Variants in KIR3DL1 observed in about 807,000 individuals in gnomAD.
The protein encoded by KIR3DL1 is killer cell immunoglobulin like receptor, three Ig domains and long cytoplasmic tail 1.
Under a neutral mutation model 40.3 loss-of-function variants are expected in KIR3DL1, and 50 were observed. That is an observed-to-expected ratio of 1.24 (90% CI 0.99 to 1.57). The LOEUF (loss-of-function observed/expected upper bound fraction) is 1.57. Among genes scored for constraint, KIR3DL1 ranks in the 40% most tolerant of loss-of-function variants. The pLI is 0.00. For synonymous variants in KIR3DL1, 257 were observed against 207.2 expected (o/e 1.24, Z -2.07); for missense variants, 661 against 559.9 (o/e 1.18, Z -1.82).
chr19:54,821,123 T>TGATTGATGGATAGATAGACAGACAGAC (rs1249979079), intron 4 of KIR3DL1, among the ~76,000 whole-genome samples: 1 of 149,912 alleles, frequency 6.7e-6, no homozygotes, highest in Non-Finnish European at 1.5e-5. Context: ...AGATAATAGA[T>TGATTGATGGATAGATAGACAGACAGAC]GATTGATGGA....
At chr19:54,822,115 C>T (rs1210355316) in intron 5 of KIR3DL1, among the ~76,000 whole-genome samples, 1 of 151,080 alleles carries the variant, frequency 6.6e-6, no homozygotes, top group African/African-American at 2.4e-5. Flanking sequence ...GAAGGGGAGA[C>T]TGGGCTTAGT....
Position 54,817,412 on chromosome 19 carries a change from C to T in KIR3DL1, c.35-122C>T, listed in dbSNP as rs1445494228. ...CTTGTTCCTGGGGGCAGGTAGGCAG[C>T]GAGGGTGAGTTTACCTTCAGCCCAG... On this transcript the variant is annotated intron_variant, in intron 1 of 8. Transcript: ENST00000391728. 1.9e-5 allele frequency: 16 copies of T among 831,426 alleles called. 1 individual carries two copies. The highest frequency in any genetic ancestry group is 3.1e-5 in the East Asian group (1 of 32,208). The allele number at this position is 831,426 out of a possible 1,614,324, so 51.5% of individuals were successfully genotyped here. A position where few individuals can be genotyped will look rare whatever the true frequency, so the allele number is the denominator to read the frequency against.
At chr19:54,830,652 A>C in exon 9 of KIR3DL1, 1 of 260,776 alleles carries the variant, frequency 3.8e-6, no homozygotes, top group African/African-American at 2.3e-5. Flanking sequence ...GTGCTGTTCC[A>C]CCTTCCCTCA....
At position 54,829,810 on chromosome 19, in the gene KIR3DL1, G is replaced by T. The variant is rs1458562765; in HGVS notation, c.1106-118G>T. On this transcript the variant is annotated intron_variant, in intron 7 of 8. Transcript: ENST00000391728. ...GAGAGATAGAATGTCTGAGTCTGCT[G>T]TTGGCAACTGAGGGACCTCAGGCAC... 9 of 969,540 alleles carry T rather than the reference G, an allele frequency of 9.3e-6. 2 individuals are homozygous for T. In the East Asian group the frequency reaches 1.8e-4, roughly 19 times the overall value. 60.1% of individuals were successfully genotyped at this position (969,540 alleles called of 1,614,324 possible).
intron 3 of KIR3DL1, among the ~76,000 whole-genome samples, chr19:54,818,950 A>C (rs2061495596): frequency 6.7e-6 from 1 of 150,046 alleles, no homozygotes; most frequent in Non-Finnish European, 1.5e-5. Flanking sequence ...GGAAGAGGGG[A>C]GTGGGGATTA....
At chr19:54,820,097 G>A in intron 4 of KIR3DL1, 85 bp downstream of exon 4, 2 of 1,404,806 alleles carry the variant, frequency 1.4e-6, no homozygotes, top group African/African-American at 1.4e-5. Context: ...TGGTCATGAG[G>A]AAGATAAGTG....
chr19:54,830,101 C>T (rs1130472), exon 9 of KIR3DL1: 27,913 of 1,522,744 alleles, frequency 0.018, 5,328 homozygotes, highest in Middle Eastern at 0.03. Context: ...CTCTCCAGGA[C>T]TCTGATGAAC....
Position 54,830,082 on chromosome 19 carries a change from C to G in KIR3DL1, c.1159-17C>G, listed in dbSNP as rs749516933. 6 of 1,519,410 alleles carry G rather than the reference C, an allele frequency of 3.9e-6. No individual in the cohort carries two copies. The African/African-American group carries it at 5.6e-5, about 14-fold the overall frequency. The allele number at this position is 1,519,410 out of a possible 1,614,324, so 94.1% of individuals were successfully genotyped here. A position where few individuals can be genotyped will look rare whatever the true frequency, so the allele number is the denominator to read the frequency against. Reference sequence around the variant, plus strand: ...CTCAGCATTTCCCTCCCTCACTCAGCATTTCCCTCTCTCCAGGACTCTGAT... The same window carrying G: ...CTCAGCATTTCCCTCCCTCACTCAGGATTTCCCTCTCTCCAGGACTCTGAT... On this transcript the variant is annotated splice_polypyrimidine_tract_variant and intron_variant, in intron 8 of 8. Coordinates refer to ENST00000391728, the Ensembl canonical transcript of KIR3DL1.
Position 54,818,635 on chromosome 19 carries a change from A to G in KIR3DL1, c.355+36A>G, listed in dbSNP as rs140216252. 4,010 of 1,587,294 alleles carry G rather than the reference A, an allele frequency of 2.5e-3. 220 individuals carry two copies. The African/African-American group carries it at 0.048, about 19-fold the overall frequency. ...TTCCGTCTGGGCTTCTCACTGTCCC[A>G]CCTCCTGAATCCCAGAGCTTCTGGT... On this transcript the variant is annotated intron_variant, in intron 3 of 8. Transcript: ENST00000391728.
At chr19:54,820,924 A>G (rs1162700539) in intron 4 of KIR3DL1, among the ~76,000 whole-genome samples, 3 of 151,192 alleles carry the variant, frequency 2.0e-5, no homozygotes, top group Admixed American at 6.6e-5. Flanking sequence ...AGATAGACGT[A>G]GATAGATGAT....
intron 3 of KIR3DL1, among the ~76,000 whole-genome samples, chr19:54,819,262 T>C (rs2061510193): frequency 7.3e-6 from 1 of 137,030 alleles, no homozygotes; most frequent in Admixed American, 7.7e-5. Context: ...AAGGACAAGT[T>C]AGGAAACCAA....
intron 5 of KIR3DL1, 107 bp downstream of exon 5, chr19:54,821,965 C>T: frequency 7.4e-7 from 1 of 1,358,990 alleles, no homozygotes. Flanking sequence ...AGAGAAGACA[C>T]AGCAGGTGTG....
chr19:54,826,716 C>T (rs1437457002), intron 6 of KIR3DL1, among the ~76,000 whole-genome samples: 1 of 149,092 alleles, frequency 6.7e-6, no homozygotes, highest in Non-Finnish European at 1.5e-5. Context: ...ATGAAAAACA[C>T]GGATTGAACC....
chr19:54,828,908 AC>A (rs2062051562), intron 6 of KIR3DL1, among the ~76,000 whole-genome samples: 1 of 141,282 alleles, frequency 7.1e-6, no homozygotes, highest in Admixed American at 7.3e-5. Context: ...CTGTGCAGAG[AC>A]CACAGAGATC....
exon 3 of KIR3DL1, chr19:54,818,571 C>T: frequency 4.3e-6 from 7 of 1,611,240 alleles, no homozygotes; most frequent in Non-Finnish European, 5.9e-6. Flanking sequence ...GGTCGGCACC[C>T]AGCAACCCCG....
chr19:54,825,834 T>C (rs1215766473), intron 6 of KIR3DL1, among the ~76,000 whole-genome samples: 1 of 150,826 alleles, frequency 6.6e-6, no homozygotes, highest in Non-Finnish European at 1.5e-5. Flanking sequence ...CCTGGTCCCC[T>C]TCCTCCTTCC....
At chr19:54,824,077 G>T (rs1329969095) in intron 5 of KIR3DL1, among the ~76,000 whole-genome samples, 1 of 151,306 alleles carries the variant, frequency 6.6e-6, no homozygotes, top group Non-Finnish European at 1.5e-5. Flanking sequence ...ATCTTTTGTG[G>T]TGCAGAAGTT....
chr19:54,818,641 T>C, intron 3 of KIR3DL1, 42 bp downstream of exon 3: 1 of 1,583,088 alleles, frequency 6.3e-7, no homozygotes, highest in Non-Finnish European at 8.5e-7. Flanking sequence ...TCCCACCTCC[T>C]GAATCCCAGA....
intron 5 of KIR3DL1, among the ~76,000 whole-genome samples, chr19:54,824,051 T>C (rs1952600645): frequency 6.6e-6 from 1 of 151,440 alleles, no homozygotes; most frequent in Admixed American, 6.6e-5. Flanking sequence ...CGGTTGTCTC[T>C]TCACTTTCTT....
Sources: allele counts gnomAD v4.1 joint callset (sites outside exome capture counted in the v4.1 genomes callset), GRCh38; gene constraint gnomAD v4.1.1; transcripts MANE v1.5; gene names NCBI Gene and HGNC (gene_info 2026-07-23, HGNC 2026-07-21).